CYTIP: variants seen among roughly 807,000 people sequenced by gnomAD.
CYTIP encodes cytohesin 1 interacting protein.
In CYTIP, 26 loss-of-function variants were observed where a neutral mutation model predicts 43.8. The observed-to-expected ratio is 0.59, with a 90% CI of 0.44 to 0.82. The LOEUF is 0.82. Ranked by LOEUF, CYTIP falls within the 40% of genes least tolerant of loss-of-function variation. CYTIP has a pLI of 0.00. For missense variants in CYTIP, 426 were observed against 443.1 expected (o/e 0.96, Z 0.35); for synonymous variants, 162 against 162.9 (o/e 0.99, Z 0.04).
intron 1 of CYTIP, among the ~76,000 whole-genome samples, chr2:157,436,792 C>T (rs998360689): frequency 1.3e-4 from 19 of 151,954 alleles, no homozygotes; most frequent in Admixed American, 2.0e-4. Flanking sequence ...AACTACTAAA[C>T]GAAAATGGAA....
rs397871281 is a variant in CYTIP, at chr2:157,443,338, C to CA, written c.174+508dup. On this transcript the variant is annotated intron_variant, in intron 1 of 7. Transcript: ENST00000264192. Reference sequence around the variant, plus strand: ...ATATTCAATCTGGCACTCATCTATCCAAAAAAAAAAAATCTTACTTTCCAA... The same window carrying CA: ...ATATTCAATCTGGCACTCATCTATCCAAAAAAAAAAAAATCTTACTTTCCAA... Among the ~76,000 whole-genome samples the CA allele has an allele frequency of 6.1e-3, 871 of 143,714 alleles. 5 individuals are homozygous for CA. The highest frequency in any genetic ancestry group is 0.014 in the Middle Eastern group (4 of 278). 94.3% of individuals were successfully genotyped at this position (143,714 alleles called of 152,430 possible).
At chr2:157,441,957 G>C (rs1253639647) in intron 1 of CYTIP, among the ~76,000 whole-genome samples, 1 of 152,128 alleles carries the variant, frequency 6.6e-6, no homozygotes, top group Non-Finnish European at 1.5e-5. Flanking sequence ...TTTTTCAGGG[G>C]AAGTTGTCCA....
chr2:157,430,686 G>A (rs200014154), intron 4 of CYTIP, 34 bp from the exon 5 acceptor site: 1 of 1,588,712 alleles, frequency 6.3e-7, no homozygotes, highest in East Asian at 2.2e-5. Flanking sequence ...GTGTTATGTT[G>A]GTTAGTTAAA....
intron 6 of CYTIP, 48 bp from the exon 7 acceptor site, chr2:157,418,637 C>A (rs770222018): frequency 1.3e-6 from 2 of 1,491,476 alleles, no homozygotes; most frequent in South Asian, 1.3e-5. Flanking sequence ...TTAGGAAACC[C>A]CAGTGAAGCT....
chr2:157,429,469 A>G (rs1286557728), intron 5 of CYTIP, among the ~76,000 whole-genome samples: 1 of 152,184 alleles, frequency 6.6e-6, no homozygotes, highest in Admixed American at 6.5e-5. Context: ...GTTATCAATA[A>G]CTGAAATATA....
chr2:157,418,452 A>C, intron 7 of CYTIP, 71 bp downstream of exon 7: 3 of 1,486,470 alleles, frequency 2.0e-6, no homozygotes, highest in Non-Finnish European at 2.7e-6. Flanking sequence ...GATAATCTTA[A>C]ACCAACTTTG....
chr2:157,432,202 C>T (rs1297544012), intron 3 of CYTIP, among the ~76,000 whole-genome samples: 6 of 152,172 alleles, frequency 3.9e-5, no homozygotes, highest in Non-Finnish European at 8.8e-5. Context: ...ACCCTCCATT[C>T]CCAGAGATCA....
chr2:157,436,062 C>T (rs964162666), intron 1 of CYTIP, among the ~76,000 whole-genome samples: 7 of 152,168 alleles, frequency 4.6e-5, no homozygotes, highest in African/African-American at 1.4e-4. Context: ...CTCTTCTTAC[C>T]AATTTGCTGT....
intron 6 of CYTIP, among the ~76,000 whole-genome samples, chr2:157,425,447 T>A (rs1361759537): frequency 6.6e-6 from 1 of 152,108 alleles, no homozygotes; most frequent in Non-Finnish European, 1.5e-5. Flanking sequence ...AAAAAATTGA[T>A]ACAAATCCTC....
rs1384791530 is a variant in CYTIP, at chr2:157,430,555, T to G, written c.476+4A>C. On this transcript the variant is annotated splice_donor_region_variant and intron_variant, in intron 5 of 7. Coordinates refer to ENST00000264192, the MANE Select transcript of CYTIP (RefSeq NM_004288.5). ...AGCCCCACGGGAACTAGACAGATAG[T>G]TACGTTAGCAGGTTTCCGGACGATC... The G allele has an allele frequency of 5.6e-6, 9 of 1,613,260 alleles. No homozygotes were observed. The African/African-American group carries it at 6.7e-5, about 12-fold the overall frequency.
In CYTIP at chr2:157,416,179, C is replaced by T. The variant is rs539057883; in HGVS notation, c.614-36G>A. The T allele has an allele frequency of 3.0e-4, 451 of 1,492,504 alleles. 8 individuals are homozygous for T. The South Asian group carries it at 5.3e-3, about 18-fold the overall frequency. 92.5% of individuals were successfully genotyped at this position (1,492,504 alleles called of 1,614,324 possible). A position where few individuals can be genotyped will look rare whatever the true frequency, so the allele number is the denominator to read the frequency against. On this transcript the variant is annotated intron_variant, in intron 7 of 7. Transcript: ENST00000264192. ...AAGTCTACTGTGAAATGGATCTGTT[C>T]ATTACTCCCTACAAATAAATACACT...
intron 6 of CYTIP, among the ~76,000 whole-genome samples, chr2:157,420,752 G>A (rs1685510430): frequency 6.6e-6 from 1 of 151,384 alleles, no homozygotes; most frequent in African/African-American, 2.4e-5. Context: ...AATTAGGGAC[G>A]TAGGGAGTAT....
intron 5 of CYTIP, among the ~76,000 whole-genome samples, chr2:157,428,388 T>C (rs1365660135): frequency 1.3e-5 from 2 of 152,208 alleles, no homozygotes; most frequent in Non-Finnish European, 2.9e-5. Context: ...CCAGGAATAA[T>C]CAGGTGGTAG....
chr2:157,425,368 T>C (rs1367705912), intron 6 of CYTIP, among the ~76,000 whole-genome samples: 1 of 152,038 alleles, frequency 6.6e-6, no homozygotes, highest in Non-Finnish European at 1.5e-5. Flanking sequence ...AGCAAACATA[T>C]CAAAACGAAC....
At position 157,415,599 on chromosome 2, in the gene CYTIP, C is replaced by G; in HGVS notation, c.*78G>C. The G allele has an allele frequency of 2.0e-6, 2 of 1,003,724 alleles. No individual in the cohort carries two copies. The highest frequency in any genetic ancestry group is 4.3e-4 in the Middle Eastern group (2 of 4,664). 62.2% of individuals were successfully genotyped at this position (1,003,724 alleles called of 1,614,324 possible). On this transcript the variant is annotated 3_prime_UTR_variant, in exon 8 of 8. Coordinates refer to ENST00000264192, the MANE Select transcript of CYTIP (RefSeq NM_004288.5). ...ATGTCAGTTTTGCAATTCTTCTGCACTTTCCCACCAAGCTGGGATCTGGGT... is the reference window on the plus strand; with the variant it reads ...ATGTCAGTTTTGCAATTCTTCTGCAGTTTCCCACCAAGCTGGGATCTGGGT...
chr2:157,421,036 G>A (rs372023539), intron 6 of CYTIP, among the ~76,000 whole-genome samples: 10 of 152,098 alleles, frequency 6.6e-5, no homozygotes, highest in African/African-American at 1.9e-4. Flanking sequence ...TCAGTATGTC[G>A]TCACTTAAAC....
At chr2:157,426,429 T>C (rs1428798768) in intron 6 of CYTIP, among the ~76,000 whole-genome samples, 2 of 152,216 alleles carry the variant, frequency 1.3e-5, no homozygotes, top group South Asian at 2.1e-4. Flanking sequence ...CAAACCAATG[T>C]TGACAAAGAA....
intron 5 of CYTIP, 55 bp from the exon 6 acceptor site, chr2:157,427,475 A>G (rs1685631481): frequency 7.7e-7 from 1 of 1,296,644 alleles, no homozygotes; most frequent in African/African-American, 1.5e-5. Context: ...AACATGAGTG[A>G]TTCGTTTAAA....
Position 157,434,361 on chromosome 2 carries a change from A to G in CYTIP, c.279+9T>C, listed in dbSNP as rs1178971321. On this transcript the variant is annotated intron_variant, in intron 3 of 7. Transcript: ENST00000264192. ...CCTTGGAAGTCTAGAAAATGTGAAA[A>G]TTGCCCACCTGAATTTCAAATCCAA... The G allele has an allele frequency of 6.2e-7, 1 of 1,610,440 alleles. No individual in the cohort carries two copies. The highest frequency in any genetic ancestry group is 8.5e-7 in the Non-Finnish European group (1 of 1,176,844).
Sources: gnomAD v4.1 joint callset for allele counts (sites outside exome capture counted in the v4.1 genomes callset) on GRCh38, gnomAD v4.1.1 for gene constraint, MANE v1.5 for transcripts, NCBI Gene and HGNC (gene_info 2026-07-23, HGNC 2026-07-21) for gene names.